BRD10: variants seen among roughly 807,000 people sequenced by gnomAD.
BRD10 encodes the protein bromodomain containing 10, also known as uncharacterized bromodomain-containing protein 10.
the BRD10 span, among the ~76,000 whole-genome samples, chr9:5,925,692 A>G: frequency 5.3e-5 from 8 of 152,198 alleles, no homozygotes; most frequent in Non-Finnish European, 1.0e-4. Flanking sequence ...GAAATATTTT[A>G]AAAAATTATG....
chr9:5,937,872 C>G, the BRD10 span, among the ~76,000 whole-genome samples: 3 of 152,162 alleles, frequency 2.0e-5, no homozygotes, highest in South Asian at 2.1e-4. Context: ...TCAAATAATT[C>G]AGTGACTACA....
chr9:5,922,177 G>A, the BRD10 span: 1 of 1,613,898 alleles, frequency 6.2e-7, no homozygotes, highest in Non-Finnish European at 8.5e-7. Context: ...AATCTCTTAT[G>A]CACACAGTTT....
At chr9:5,922,353 C>T in the BRD10 span, 5 of 1,613,844 alleles carry the variant, frequency 3.1e-6, no homozygotes, top group Non-Finnish European at 4.2e-6. Context: ...GCTGCTGAAA[C>T]TGCATTCTTG....
chr9:5,968,775 G>C, the BRD10 span: 2 of 1,613,746 alleles, frequency 1.2e-6, no homozygotes, highest in African/African-American at 2.7e-5. Flanking sequence ...AAGGGTCTCT[G>C]TTTATAAATC....
chr9:5,990,096 G>A, the BRD10 span, among the ~76,000 whole-genome samples: 2 of 152,146 alleles, frequency 1.3e-5, no homozygotes, highest in East Asian at 1.9e-4. Context: ...AAATACTGAA[G>A]AATTTGGGCT....
the BRD10 span, among the ~76,000 whole-genome samples, chr9:5,958,942 G>A: frequency 1.3e-5 from 2 of 152,154 alleles, no homozygotes; most frequent in South Asian, 2.1e-4. Flanking sequence ...TTTCTGGAGT[G>A]TTCTATCTCA....
At chr9:5,935,009 C>G in the BRD10 span, among the ~76,000 whole-genome samples, 8 of 152,120 alleles carry the variant, frequency 5.3e-5, no homozygotes, top group Non-Finnish European at 1.0e-4. Context: ...CTAACATATT[C>G]CTGCATATTC....
the BRD10 span, among the ~76,000 whole-genome samples, chr9:5,983,703 C>T: frequency 2.5e-4 from 38 of 151,890 alleles, no homozygotes; most frequent in Admixed American, 2.2e-3. Context: ...ATCAAAGAAG[C>T]GAAATGAACC....
the BRD10 span, among the ~76,000 whole-genome samples, chr9:6,001,399 G>T: frequency 1.3e-5 from 2 of 152,008 alleles, no homozygotes; most frequent in African/African-American, 4.8e-5. Context: ...TTTATGATTG[G>T]CCCCAGACTA....
the BRD10 span, among the ~76,000 whole-genome samples, chr9:5,932,689 G>C: frequency 6.6e-6 from 1 of 152,098 alleles, no homozygotes; most frequent in South Asian, 2.1e-4. Flanking sequence ...AGGATACTGA[G>C]ACACAACTGT....
At chr9:5,919,634 G>A in the BRD10 span, 1 of 1,499,268 alleles carries the variant, frequency 6.7e-7, no homozygotes, top group Non-Finnish European at 8.9e-7. Flanking sequence ...ATTTTTATGG[G>A]AGTCAAAACA....
the BRD10 span, among the ~76,000 whole-genome samples, chr9:5,963,468 T>C: frequency 1.9e-4 from 28 of 144,834 alleles, no homozygotes; most frequent in African/African-American, 5.2e-4. Context: ...ATCGTGAAAA[T>C]GGCCATACTG....
the BRD10 span, among the ~76,000 whole-genome samples, chr9:5,972,454 T>C: frequency 6.6e-6 from 1 of 152,322 alleles, no homozygotes; most frequent in East Asian, 1.9e-4. Context: ...ATGGTGAAAT[T>C]TGATTTCCAA....
chr9:5,888,354 T>C, the BRD10 span, among the ~76,000 whole-genome samples: 1 of 152,250 alleles, frequency 6.6e-6, no homozygotes, highest in African/African-American at 2.4e-5. Flanking sequence ...CTGTTTGATA[T>C]TAAATACATT....
the BRD10 span, among the ~76,000 whole-genome samples, chr9:5,999,099 TTGCC>T: frequency 1.3e-5 from 2 of 152,078 alleles, no homozygotes; most frequent in Non-Finnish European, 2.9e-5. Context: ...TTAATTATAT[TTGCC>T]ATAATTCTTT....
the BRD10 span, among the ~76,000 whole-genome samples, chr9:5,958,114 T>C: frequency 6.6e-6 from 1 of 152,258 alleles, no homozygotes; most frequent in Non-Finnish European, 1.5e-5. Flanking sequence ...GGAAAATGCA[T>C]AAGGAAACAT....
chr9:5,964,098 T>C, the BRD10 span, among the ~76,000 whole-genome samples: 2 of 151,886 alleles, frequency 1.3e-5, no homozygotes, highest in African/African-American at 2.4e-5. Context: ...CAAAAGAAAC[T>C]ACCATCAGAG....
the BRD10 span, chr9:6,008,217 G>C: frequency 2.8e-5 from 27 of 979,758 alleles, no homozygotes; most frequent in Non-Finnish European, 3.3e-5. Context: ...CCCCTCCCCG[G>C]AGGGGGCCGC....
the BRD10 span, chr9:5,921,654 T>C: frequency 1.9e-6 from 3 of 1,613,976 alleles, no homozygotes; most frequent in South Asian, 1.1e-5. Context: ...ACAGGGTAAC[T>C]TTTTGTGATA....
Sources: gnomAD v4.1 joint callset for allele counts (sites outside exome capture counted in the v4.1 genomes callset) on GRCh38, gnomAD v4.1.1 for gene constraint, MANE v1.5 for transcripts, NCBI Gene and HGNC (gene_info 2026-07-23, HGNC 2026-07-21) for gene names.